Variants in BTG4 observed in about 807,000 individuals in gnomAD.
BTG4 encodes the protein protein BTG4.
Under a neutral mutation model 19.3 loss-of-function variants are expected in BTG4, and 10 were observed. That is an observed-to-expected ratio of 0.52 (90% confidence interval 0.32 to 0.88). The LOEUF is 0.88. Among genes scored for constraint, BTG4 ranks in the 40% least tolerant of loss-of-function variants. The pLI is 0.04. For missense variants in BTG4, 238 were observed against 281.9 expected, an observed-to-expected ratio of 0.84 and a Z score of 1.11; for synonymous variants, 91 against 95.7, an observed-to-expected ratio of 0.95 and a Z score of 0.29.
chr11:111,444,557 T>C, the BTG4 span, among the ~76,000 whole-genome samples: 1 of 152,138 alleles, frequency 6.6e-6, no homozygotes. Flanking sequence ...AGGGTGACTA[T>C]AGTCGATAAT....
At chr11:111,442,238 C>A in the BTG4 span, among the ~76,000 whole-genome samples, 1 of 151,786 alleles carries the variant, frequency 6.6e-6, no homozygotes, top group African/African-American at 2.4e-5. Context: ...CGGTGGCTCA[C>A]GTCTGTAATC....
chr11:111,451,899 C>T, the BTG4 span, among the ~76,000 whole-genome samples: 2 of 152,170 alleles, frequency 1.3e-5, no homozygotes, highest in African/African-American at 4.8e-5. Flanking sequence ...CATTTCACAG[C>T]AACCCAGCAT....
At chr11:111,476,638 C>T (rs1329377678) in intron 5 of BTG4, among the ~76,000 whole-genome samples, 1 of 152,050 alleles carries the variant, frequency 6.6e-6, no homozygotes, top group African/African-American at 2.4e-5. Flanking sequence ...AATTAGACAG[C>T]CTTAAAAATA....
At position 111,498,718 on chromosome 11, in the gene BTG4, T is replaced by C. The variant is rs2135686284; in HGVS notation, c.59A>G (p.Asp20Gly). The change falls in exon 2 of 5, where the codon GAT (aspartate) becomes GGT (glycine). Residue 20 changes from aspartate to glycine, a missense_variant. Transcript: ENST00000692032. ...FFVTRLVKKH[D>G]KLSKQQIEDF... ...TTCTATTTGCTGTTTACTTAGTTTATCATGTTTTTTCACCAATCTTGTGAC... is the reference window on the plus strand; with the variant it reads ...TTCTATTTGCTGTTTACTTAGTTTACCATGTTTTTTCACCAATCTTGTGAC... 1.2e-6 allele frequency: 2 copies of C among 1,613,286 alleles called. No individual in the cohort carries two copies. The highest frequency in any genetic ancestry group is 2.2e-5 in the East Asian group (1 of 44,888).
At chr11:111,402,153 A>G in the BTG4 span, among the ~76,000 whole-genome samples, 1 of 152,032 alleles carries the variant, frequency 6.6e-6, no homozygotes, top group Non-Finnish European at 1.5e-5. Context: ...ATGAGATCTG[A>G]TGGTTTTGTC....
At chr11:111,471,903 T>C (rs1049885040) in intron 5 of BTG4, among the ~76,000 whole-genome samples, 1 of 152,190 alleles carries the variant, frequency 6.6e-6, no homozygotes, top group South Asian at 2.1e-4. Flanking sequence ...AAGCATCCCT[T>C]GAAACTCATC....
chr11:111,476,094 A>G (rs1237254106), intron 5 of BTG4, among the ~76,000 whole-genome samples: 1 of 151,580 alleles, frequency 6.6e-6, no homozygotes, highest in Non-Finnish European at 1.5e-5. Flanking sequence ...GTGGGGACAC[A>G]GCCAAACCAT....
chr11:111,412,008 TATG>T, the BTG4 span, among the ~76,000 whole-genome samples: 2 of 152,088 alleles, frequency 1.3e-5, no homozygotes, highest in Non-Finnish European at 2.9e-5. Flanking sequence ...CAGACAGAAA[TATG>T]ATAAGTCAGA....
chr11:111,436,511 A>G, the BTG4 span, among the ~76,000 whole-genome samples: 2 of 152,108 alleles, frequency 1.3e-5, no homozygotes, highest in Non-Finnish European at 2.9e-5. Context: ...CTGTAATTCC[A>G]GCTACTCAGG....
the BTG4 span, among the ~76,000 whole-genome samples, chr11:111,427,887 C>A: frequency 6.6e-6 from 1 of 152,180 alleles, no homozygotes; most frequent in African/African-American, 2.4e-5. Flanking sequence ...ACAGAGGCGT[C>A]ACATCACAAG....
chr11:111,480,210 G>C (rs1244683692), intron 5 of BTG4, among the ~76,000 whole-genome samples: 2 of 152,068 alleles, frequency 1.3e-5, no homozygotes, highest in Non-Finnish European at 2.9e-5. Flanking sequence ...ATCAGATAAA[G>C]CCGACATCAC....
intron 1 of BTG4, among the ~76,000 whole-genome samples, chr11:111,500,324 A>C (rs906359058): frequency 8.5e-5 from 13 of 152,174 alleles, no homozygotes; most frequent in Admixed American, 5.2e-4. Context: ...TTTAACGCTC[A>C]GGATTAGTGA....
At chr11:111,412,587 A>G in the BTG4 span, among the ~76,000 whole-genome samples, 710 of 152,314 alleles carry the variant, frequency 4.7e-3, 4 homozygotes, top group African/African-American at 0.015. Flanking sequence ...GGTGCTTACT[A>G]TGTGTCAAAA....
chr11:111,390,639 G>A, the BTG4 span, among the ~76,000 whole-genome samples: 6 of 152,332 alleles, frequency 3.9e-5, no homozygotes, highest in East Asian at 1.9e-4. Context: ...GGAGCCCTAA[G>A]CTCAGTCACA....
chr11:111,421,797 C>T, the BTG4 span, among the ~76,000 whole-genome samples: 4 of 152,096 alleles, frequency 2.6e-5, no homozygotes, highest in Non-Finnish European at 5.9e-5. Flanking sequence ...CCTGCAATCC[C>T]AGCTACTCAG....
the BTG4 span, among the ~76,000 whole-genome samples, chr11:111,389,766 C>T: frequency 3.3e-5 from 5 of 152,224 alleles, no homozygotes; most frequent in Admixed American, 6.5e-5. Flanking sequence ...ATAAACTGAT[C>T]GGCATGAGTA....
chr11:111,499,101 C>G (rs1174309962), intron 1 of BTG4, among the ~76,000 whole-genome samples: 1 of 152,050 alleles, frequency 6.6e-6, no homozygotes, highest in East Asian at 1.9e-4. Context: ...AAAAAAGATC[C>G]TGATATGGGA....
chr11:111,417,001 T>A, the BTG4 span: 5,507 of 152,306 alleles, frequency 0.036, 121 homozygotes, highest in Middle Eastern at 0.15. Flanking sequence ...GCTATTAAGG[T>A]TGTCTGTGTA....
At chr11:111,428,173 T>C in the BTG4 span, among the ~76,000 whole-genome samples, 1 of 152,162 alleles carries the variant, frequency 6.6e-6, no homozygotes, top group African/African-American at 2.4e-5. Flanking sequence ...TGTCCTGAAA[T>C]ATCTGGGATT....
Sources: allele counts gnomAD v4.1 joint callset (sites outside exome capture counted in the v4.1 genomes callset), GRCh38; gene constraint gnomAD v4.1.1; transcripts MANE v1.5; gene names NCBI Gene and HGNC (gene_info 2026-07-23, HGNC 2026-07-21).